Variants in CDKAL1 observed in about 807,000 individuals in gnomAD.
CDKAL1 encodes CDKAL1 threonylcarbamoyladenosine tRNA methylthiotransferase.
CDKAL1 carries 32 observed loss-of-function variants against 68.2 expected under a neutral mutation model. That is an observed-to-expected ratio of 0.47 (90% CI 0.35 to 0.63). CDKAL1 has a LOEUF of 0.63. Ranked by LOEUF, CDKAL1 falls within the 30% of genes least tolerant of loss-of-function variation. The probability of loss-of-function intolerance (pLI) is 0.00; values close to 1 mark genes in which losing one functional copy is unlikely to be tolerated. For synonymous variants in CDKAL1, 234 were observed against 244.3 expected (o/e 0.96, Z 0.39); for missense variants, 606 against 696.7 (o/e 0.87, Z 1.47).
chr6:20,965,290 C>T (rs1471481878), intron 10 of CDKAL1, among the ~76,000 whole-genome samples: 1 of 135,238 alleles, frequency 7.4e-6, no homozygotes, highest in Non-Finnish European at 1.6e-5. Flanking sequence ...CTGGCCTGAG[C>T]ATTGAGACCC....
chr6:20,949,584 T>C (rs181864849), intron 9 of CDKAL1, among the ~76,000 whole-genome samples: 46 of 152,322 alleles, frequency 3.0e-4, no homozygotes, highest in African/African-American at 9.9e-4. Context: ...CCAAAATTCA[T>C]TGAGGCCCTG....
Position 20,548,714 on chromosome 6 carries a change from A to C in CDKAL1, c.286+9A>C, listed in dbSNP as rs1166771535. ...TGGCTATAAAATTACAGGTAATGAG[A>C]TCTATAATATATTTTATTGATTAAA... On this transcript the variant is annotated intron_variant, in intron 4 of 15. Coordinates refer to ENST00000274695, the MANE Select transcript of CDKAL1 (RefSeq NM_017774.3). 2 of 1,173,136 alleles carry C rather than the reference A, an allele frequency of 1.7e-6. No homozygotes were observed. Among genetic ancestry groups the C allele is most frequent in the Non-Finnish European group, 2.5e-6 (2 of 797,494 alleles). The allele number at this position is 1,173,136 out of a possible 1,614,324, so 72.7% of individuals were successfully genotyped here.
chr6:20,828,295 C>A (rs904989101), intron 8 of CDKAL1, among the ~76,000 whole-genome samples: 5 of 152,086 alleles, frequency 3.3e-5, no homozygotes, highest in Non-Finnish European at 7.4e-5. Flanking sequence ...GTGGCACAAT[C>A]TCGGCTCATT....
chr6:20,819,305 T>C (rs1777177680), intron 8 of CDKAL1, among the ~76,000 whole-genome samples: 4 of 152,138 alleles, frequency 2.6e-5, no homozygotes, highest in Admixed American at 2.6e-4. Flanking sequence ...AGCTGAGTTT[T>C]ACGCAACCAT....
chr6:20,853,413 A>C (rs186705352), intron 9 of CDKAL1, among the ~76,000 whole-genome samples: 49 of 148,226 alleles, frequency 3.3e-4, no homozygotes, highest in East Asian at 1.2e-3. Context: ...AAAAAAAAAA[A>C]CCCTATATGA....
Position 20,936,241 on chromosome 6 carries a change from A to ATTTT in CDKAL1, c.743-19154_743-19151dup, listed in dbSNP as rs33911838. Among the ~76,000 whole-genome samples, 36 of 68,802 alleles carry ATTTT rather than the reference A, an allele frequency of 5.2e-4. 1 individual carries two copies. The highest frequency in any genetic ancestry group is 9.1e-4 in the African/African-American group (15 of 16,420). The allele number at this position is 68,802 out of a possible 152,430, so 45.1% of individuals were successfully genotyped here. A position where few individuals can be genotyped will look rare whatever the true frequency, so the allele number is the denominator to read the frequency against. The stretch of plus-strand genomic sequence containing the variant: ...AAATTCTGTGTCACAGTGTCTCATA[A>ATTTT]TTTTTTTTTTTTTTTTTTTTTTTTT... On this transcript the variant is annotated intron_variant, in intron 9 of 15. Coordinates refer to ENST00000274695, the MANE Select transcript of CDKAL1 (RefSeq NM_017774.3).
At chr6:21,015,096 T>C (rs2150848168) in intron 11 of CDKAL1, among the ~76,000 whole-genome samples, 2 of 152,322 alleles carry the variant, frequency 1.3e-5, no homozygotes, top group East Asian at 3.9e-4. Flanking sequence ...CCCAGGTGTC[T>C]AGTACAGGTG....
intron 5 of CDKAL1, among the ~76,000 whole-genome samples, chr6:20,707,350 G>T (rs777763964): frequency 1.5e-4 from 23 of 152,206 alleles, no homozygotes; most frequent in Non-Finnish European, 2.1e-4. Context: ...CTGGGTGTTT[G>T]AAGTAAGAAA....
rs776660547 is a variant in CDKAL1 at position 21,230,866 on chromosome 6, G to C, written c.1567G>C (p.Gly523Arg). 6.2e-7 allele frequency: 1 copy of C among 1,607,152 alleles called. No homozygotes were observed. The highest frequency in any genetic ancestry group is 8.5e-7 in the Non-Finnish European group (1 of 1,175,810). The change falls in exon 16 of 16, where the codon GGG becomes CGG. Residue 523 changes from glycine to arginine, a missense_variant. By Grantham distance (125) the Gly-to-Arg change is moderately radical (BLOSUM62 -2). Transcript: ENST00000274695. ...TTTATAGGACTTCAGAAATGGGCTT[G>C]GGAACCAGCTGAGTTCAGGATCCCA... ...GLTKDFRNGL[G>R]NQLSSGSHTS...
At chr6:20,950,408 G>A (rs572182927) in intron 9 of CDKAL1, among the ~76,000 whole-genome samples, 1 of 152,156 alleles carries the variant, frequency 6.6e-6, no homozygotes, top group South Asian at 2.1e-4. Context: ...ACAGGCGTGA[G>A]CCACTGCACC....
At chr6:21,187,509 A>G (rs1404662484) in intron 13 of CDKAL1, among the ~76,000 whole-genome samples, 1 of 152,204 alleles carries the variant, frequency 6.6e-6, no homozygotes, top group Non-Finnish European at 1.5e-5. Flanking sequence ...GATAATTAGA[A>G]AGCGTCCTGC....
intron 10 of CDKAL1, among the ~76,000 whole-genome samples, chr6:20,988,219 T>TG (rs1554153536): frequency 6.9e-6 from 1 of 145,214 alleles, no homozygotes; most frequent in Non-Finnish European, 1.5e-5. Flanking sequence ...TGTGTGTGTG[T>TG]AGTGAGGGAG....
chr6:21,093,612 C>G (rs554908567), intron 12 of CDKAL1, among the ~76,000 whole-genome samples: 2 of 147,742 alleles, frequency 1.4e-5, no homozygotes, highest in Admixed American at 6.8e-5. Flanking sequence ...GCACTTCTTG[C>G]GAGGTGATTT....
Position 21,011,143 on chromosome 6 carries a change from C to A in CDKAL1, c.1055+10771C>A, listed in dbSNP as rs188234101. ...CCTGTAATCCCAGCACTTTGGGAGG[C>A]CAAGGCGGGTGGATCACAAGGTCAG... On this transcript the variant is annotated intron_variant, in intron 11 of 15. Transcript: ENST00000274695. 2.3e-3 allele frequency among the ~76,000 whole-genome samples: 351 copies of A among 150,020 alleles called. 4 individuals are homozygous for A. Among genetic ancestry groups the A allele is most frequent in the Admixed American group, 6.5e-3 (97 of 14,994 alleles).
intron 13 of CDKAL1, among the ~76,000 whole-genome samples, chr6:21,122,422 G>T (rs762303423): frequency 6.6e-5 from 10 of 152,034 alleles, no homozygotes; most frequent in Non-Finnish European, 1.5e-4. Context: ...CTTTAAGAAA[G>T]TCTTTATTAC....
At chr6:20,840,309 G>A (rs948728972) in intron 8 of CDKAL1, among the ~76,000 whole-genome samples, 7 of 152,156 alleles carry the variant, frequency 4.6e-5, no homozygotes, top group Non-Finnish European at 1.0e-4. Context: ...AGATTGTGAT[G>A]ATTTTTTACA....
At chr6:20,889,153 G>A (rs965862983) in intron 9 of CDKAL1, among the ~76,000 whole-genome samples, 20 of 151,966 alleles carry the variant, frequency 1.3e-4, no homozygotes, top group African/African-American at 4.4e-4. Context: ...GTGTTTTTTG[G>A]CTGCATAAAT....
At chr6:20,655,699 C>T (rs1224297586) in intron 5 of CDKAL1, among the ~76,000 whole-genome samples, 1 of 152,132 alleles carries the variant, frequency 6.6e-6, no homozygotes, top group Non-Finnish European at 1.5e-5. Context: ...ACACCTCCCA[C>T]CCCCGGTCTG....
At chr6:21,201,811 T>C (rs924660249) in intron 15 of CDKAL1, among the ~76,000 whole-genome samples, 2 of 152,230 alleles carry the variant, frequency 1.3e-5, no homozygotes, top group Admixed American at 1.3e-4. Context: ...CCCTATTTTA[T>C]ACCTTGGTAA....
Sources: allele counts gnomAD v4.1 joint callset (sites outside exome capture counted in the v4.1 genomes callset), GRCh38; gene constraint gnomAD v4.1.1; transcripts MANE v1.5; gene names NCBI Gene and HGNC (gene_info 2026-07-23, HGNC 2026-07-21).